Variants in MOK observed in about 807,000 individuals in gnomAD.
MOK encodes MAPK/MAK/MRK overlapping kinase.
MOK carries 59 observed loss-of-function variants against 54.2 expected under a neutral mutation model. That is an observed-to-expected ratio of 1.09 (90% CI 0.88 to 1.35). The LOEUF (loss-of-function observed/expected upper bound fraction) is 1.35, where lower values mean the gene tolerates loss of function less well. Among genes scored for constraint, MOK ranks in the 40% most tolerant of loss-of-function variants. The probability of loss-of-function intolerance (pLI) is 0.00; values close to 1 mark genes in which losing one functional copy is unlikely to be tolerated. For synonymous variants in MOK, 210 were observed against 202.7 expected (o/e 1.04, Z -0.31); for missense variants, 517 against 526.2 (o/e 0.98, Z 0.17).
chr14:102,304,876 C>T, intron 1 of MOK, 86 bp downstream of exon 1: 1 of 1,461,808 alleles, frequency 6.8e-7, no homozygotes, highest in Admixed American at 2.0e-5. Flanking sequence ...GCCCCACAGG[C>T]CCCTCAAGCT....
rs559580209 is a variant in MOK, at chr14:102,263,548, C to A, written c.281G>T (p.Arg94Leu). Residue 94 changes from arginine (R) to leucine (L), a missense_variant and splice_region_variant, in exon 4 of 12, where the codon CGA (arginine) becomes CTA (leucine). Coordinates refer to ENST00000361847, the MANE Select transcript of MOK (RefSeq NM_014226.3). ...LMDMNIYELI[R>L]GRRYPLSEKK... The stretch of plus-strand genomic sequence containing the variant: ...AGCTTTCAAATTATTCTACGTACCT[C>A]GTATTAGCTCATAAATATTCATGTC... The A allele has an allele frequency of 1.9e-6, 3 of 1,593,900 alleles. No homozygotes were observed. Among genetic ancestry groups the A allele is most frequent in the South Asian group, 2.3e-5 (2 of 87,956 alleles).
intron 2 of MOK, among the ~76,000 whole-genome samples, chr14:102,279,554 C>T (rs917582141): frequency 6.6e-6 from 1 of 152,158 alleles, no homozygotes. Flanking sequence ...GATCTGCCCA[C>T]CTTGGCCTCC....
rs955677947 is a variant in MOK at position 102,236,945 on chromosome 14, A to G, written c.591-3156T>C. ...AGCCATCAGTCAGGCTGTCTTTCCT[A>G]TTCATCCCATAGTCCCTAACCCCTC... On this transcript the variant is annotated intron_variant, in intron 7 of 11. Coordinates refer to ENST00000361847, the MANE Select transcript of MOK (RefSeq NM_014226.3). The surrounding 1 kb of genome is among the most constrained non-coding windows in gnomAD (Gnocchi z 4.5). Among the ~76,000 whole-genome samples, 3 of 152,040 alleles carry G rather than the reference A, an allele frequency of 2.0e-5. No homozygotes were observed. Among genetic ancestry groups the G allele is most frequent in the Non-Finnish European group, 4.4e-5 (3 of 68,004 alleles).
intron 7 of MOK, among the ~76,000 whole-genome samples, chr14:102,237,530 C>A (rs1027192984): frequency 3.9e-5 from 6 of 152,192 alleles, no homozygotes; most frequent in Non-Finnish European, 8.8e-5. Context: ...GCCCTCCTAG[C>A]TCACCCACTC....
downstream of MOK, among the ~76,000 whole-genome samples, chr14:102,222,496 AC>A (rs2064016787): frequency 1.3e-5 from 2 of 152,292 alleles, no homozygotes; most frequent in East Asian, 3.9e-4. The surrounding 1 kb of genome is among the most constrained non-coding windows in gnomAD (Gnocchi z 4.4). Flanking sequence ...CCCACGAGGC[AC>A]CTGCACCTTT....
At position 102,272,163 on chromosome 14, in the gene MOK, G is replaced by A. The variant is rs768684455; in HGVS notation, c.123-6251C>T. Among the ~76,000 whole-genome samples, 10 of 152,222 alleles carry A rather than the reference G, an allele frequency of 6.6e-5. 1 individual carries two copies. Among genetic ancestry groups the A allele is most frequent in the African/African-American group, 9.6e-5 (4 of 41,550 alleles). On this transcript the variant is annotated intron_variant, in intron 2 of 11. Transcript: ENST00000361847. The stretch of plus-strand genomic sequence containing the variant: ...TGGGATTAAAGGTATGAGACGCCAC[G>A]CCTAACTCCCTAACAAAGACTTTTA...
chr14:102,231,446 C>T lies in MOK; in HGVS notation c.981+261G>A, dbSNP rs1267289662. 7 of 399,064 alleles carry T rather than the reference C, an allele frequency of 1.8e-5. No homozygotes were observed. The highest frequency in any genetic ancestry group is 8.0e-5 in the East Asian group (2 of 24,870). 24.7% of individuals were successfully genotyped at this position (399,064 alleles called of 1,614,324 possible). ...CAGACACAAAAGTTCATGCAAACAT[C>T]CCCTCTCTGGGCCTGCTCACATGGG... On this transcript the variant is annotated intron_variant, in intron 10 of 11. Transcript: ENST00000361847. The surrounding 1 kb of genome is among the most constrained non-coding windows in gnomAD (Gnocchi z 4.4).
downstream of MOK, among the ~76,000 whole-genome samples, chr14:102,220,428 A>C (rs2063751598): frequency 6.6e-6 from 1 of 152,246 alleles, no homozygotes; most frequent in Non-Finnish European, 1.5e-5. This position sits in a 1 kb window ranked among gnomAD's most constrained non-coding sequence, Gnocchi z 4.2. Context: ...ATCTTCAGTT[A>C]AAATATTAAA....
At position 102,229,506 on chromosome 14, in the gene MOK, C is replaced by G; in HGVS notation, c.1133G>C (p.Gly378Ala). 2 of 1,614,186 alleles carry G rather than the reference C, an allele frequency of 1.2e-6. No homozygotes were observed. The highest frequency in any genetic ancestry group is 1.7e-6 in the Non-Finnish European group (2 of 1,180,040). ...LQSVLGSGTN[G>A]RVPVLRPLKC... The stretch of plus-strand genomic sequence containing the variant: ...CAAGGGTCTCAGCACCGGCACTCTT[C>G]CATTTGTTCCAGATCCAAGCACGGA... The change falls in exon 11 of 12, where the codon GGA becomes GCA. Residue 378 changes from glycine (G) to alanine (A), a missense_variant. By Grantham distance (60) the Gly-to-Ala change is moderately conservative. Coordinates refer to ENST00000361847, the MANE Select transcript of MOK (RefSeq NM_014226.3).
At chr14:102,224,008 G>C (rs540001217), downstream of MOK, among the ~76,000 whole-genome samples, 1 of 150,962 alleles carries the variant, frequency 6.6e-6, no homozygotes, top group South Asian at 2.1e-4. Context: ...CATGGGACAT[G>C]AACTAGCTAA....
chr14:102,219,473 C>T, the MOK span, among the ~76,000 whole-genome samples: 2 of 152,258 alleles, frequency 1.3e-5, no homozygotes, highest in Non-Finnish European at 2.9e-5. Context: ...CCAGCACACT[C>T]CAGGGCTTGT....
chr14:102,238,653 T>C lies in MOK; in HGVS notation c.591-4864A>G, dbSNP rs115118099. On this transcript the variant is annotated intron_variant, in intron 7 of 11. Transcript: ENST00000361847. This position sits in a 1 kb window ranked among gnomAD's most constrained non-coding sequence, Gnocchi z 4.8. ...TCATTACTATAACAAGGAGCCTTCCTCCAGGGGGACTGGATAGATAAGGAC... is the reference window on the plus strand; with the variant it reads ...TCATTACTATAACAAGGAGCCTTCCCCCAGGGGGACTGGATAGATAAGGAC... Among the ~76,000 whole-genome samples the C allele has an allele frequency of 1.1e-3, 169 of 152,162 alleles. 1 individual carries two copies. The highest frequency in any genetic ancestry group is 4.0e-3 in the African/African-American group (167 of 41,486).
intron 2 of MOK, among the ~76,000 whole-genome samples, chr14:102,267,505 G>A (rs959305448): frequency 6.6e-6 from 1 of 152,194 alleles, no homozygotes; most frequent in Non-Finnish European, 1.5e-5. Flanking sequence ...GGTGGAGGCT[G>A]CAGTAAGCCA....
chr14:102,243,254 C>T (rs920363276), intron 7 of MOK, among the ~76,000 whole-genome samples: 1 of 152,142 alleles, frequency 6.6e-6, no homozygotes, highest in Non-Finnish European at 1.5e-5. Context: ...CACATAGATC[C>T]TAAATCCTTT....
chr14:102,242,150 G>A (rs764567366), intron 7 of MOK, among the ~76,000 whole-genome samples: 4 of 152,162 alleles, frequency 2.6e-5, no homozygotes, highest in South Asian at 2.1e-4. Context: ...CATCACAGAC[G>A]CTTTGGGTAA....
the MOK span, among the ~76,000 whole-genome samples, chr14:102,215,725 C>T: frequency 6.6e-6 from 1 of 152,156 alleles, no homozygotes; most frequent in Non-Finnish European, 1.5e-5. Context: ...TTTGTGCTGG[C>T]GTGAGGTTGT....
intron 3 of MOK, 180 bp from the exon 4 acceptor site, chr14:102,263,796 T>C (rs1012863173): frequency 6.9e-6 from 3 of 433,536 alleles, no homozygotes; most frequent in Non-Finnish European, 1.2e-5. Flanking sequence ...CAGATAAAAT[T>C]AACTAAAAAT....
intron 7 of MOK, chr14:102,234,019 A>C: frequency 4.5e-6 from 2 of 448,918 alleles, no homozygotes; most frequent in Non-Finnish European, 8.0e-6. Context: ...CATACCGAAG[A>C]ACTCCCTCAA....
chr14:102,290,148 A>AC (rs2070599285), intron 1 of MOK, among the ~76,000 whole-genome samples: 1 of 151,296 alleles, frequency 6.6e-6, no homozygotes, highest in African/African-American at 2.4e-5. Context: ...TTAGAGAAAA[A>AC]AAAAAAAAAG....
Sources: gnomAD v4.1 joint callset for allele counts (sites outside exome capture counted in the v4.1 genomes callset) on GRCh38, gnomAD v4.1.1 for gene constraint, Gnocchi (gnomAD v3.1) non-coding constraint, MANE v1.5 for transcripts, NCBI Gene and HGNC (gene_info 2026-07-23, HGNC 2026-07-21) for gene names.